TMCO5A: variants seen among roughly 807,000 people sequenced by gnomAD.
TMCO5A encodes transmembrane and coiled-coil domains 5A.
TMCO5A carries 34 observed loss-of-function variants against 42.3 expected under a neutral mutation model. The ratio of observed to expected loss-of-function variants is 0.80; its 90% CI spans 0.61 to 1.07. The LOEUF (loss-of-function observed/expected upper bound fraction) is 1.07, where lower values mean the gene tolerates loss of function less well. Among genes scored for constraint, TMCO5A ranks in the 50% least tolerant of loss-of-function variants. The pLI is 0.00. For synonymous variants in TMCO5A, 131 were observed against 115.6 expected (o/e 1.13, Z -0.86); for missense variants, 357 against 327.9 (o/e 1.09, Z -0.69).
At chr15:37,954,953 A>C (rs1595603154), downstream of TMCO5A, among the ~76,000 whole-genome samples, 1 of 152,032 alleles carries the variant, frequency 6.6e-6, no homozygotes, top group East Asian at 1.9e-4. Context: ...TGAATACACA[A>C]AAAAATGCAA....
intron 5 of TMCO5A, among the ~76,000 whole-genome samples, chr15:37,937,758 T>C (rs1011436801): frequency 1.3e-5 from 2 of 152,152 alleles, no homozygotes; most frequent in Non-Finnish European, 2.9e-5. Context: ...ACAAAAATAA[T>C]TAACTTAATC....
chr15:37,988,902 A>C, the TMCO5A span, among the ~76,000 whole-genome samples: 1 of 151,938 alleles, frequency 6.6e-6, no homozygotes, highest in Non-Finnish European at 1.5e-5. Flanking sequence ...GATATTTTTC[A>C]AAAGTTTGAG....
the TMCO5A span, among the ~76,000 whole-genome samples, chr15:38,010,452 C>CACACACA: frequency 6.8e-6 from 1 of 147,996 alleles, no homozygotes; most frequent in Non-Finnish European, 1.5e-5. Flanking sequence ...CACACACACA[C>CACACACA]ACACAGGAAG....
chr15:38,002,334 G>A, the TMCO5A span, among the ~76,000 whole-genome samples: 1 of 151,464 alleles, frequency 6.6e-6, no homozygotes, highest in African/African-American at 2.4e-5. Context: ...TCTGCTTGGT[G>A]TTCTATCACC....
the TMCO5A span, among the ~76,000 whole-genome samples, chr15:38,027,079 C>T: frequency 5.3e-5 from 8 of 152,134 alleles, no homozygotes; most frequent in Admixed American, 5.2e-4. Context: ...CAGAGTCCCT[C>T]CTGGGGCACT....
At chr15:37,997,043 T>G in the TMCO5A span, among the ~76,000 whole-genome samples, 7 of 152,202 alleles carry the variant, frequency 4.6e-5, no homozygotes, top group African/African-American at 1.7e-4. Context: ...GGCTCATTTA[T>G]CCTTAGAATA....
chr15:37,966,159 C>T (rs1890549942), intron 11 of TMCO5A, among the ~76,000 whole-genome samples: 1 of 152,162 alleles, frequency 6.6e-6, no homozygotes, highest in African/African-American at 2.4e-5. Flanking sequence ...GAAAGACACA[C>T]ATCACATGTT....
intron 1 of TMCO5A, among the ~76,000 whole-genome samples, chr15:37,934,969 C>T (rs1265227503): frequency 1.3e-5 from 2 of 152,132 alleles, no homozygotes; most frequent in African/African-American, 4.8e-5. Flanking sequence ...CTTGTATAAA[C>T]TTCCACAGGG....
chr15:37,941,194 G>A lies in TMCO5A; in HGVS notation c.433G>A (p.Glu145Lys). The change falls in exon 7 of 12, where the codon GAG becomes AAG. Residue 145 changes from glutamate to lysine, a missense_variant. Physicochemically the swap from Glu to Lys is moderately conservative, Grantham distance 56 (BLOSUM62 1). Coordinates refer to ENST00000319669, the MANE Select transcript of TMCO5A (RefSeq NM_152453.4). ...AGCTTCCTATGCATGCCAAGAGAAG[G>A]AGCTGCTCAAGGTAACAGCAGGAAC... ...LEASYACQEK[E>K]LLKVMKEYAF... The A allele has an allele frequency of 6.2e-7, 1 of 1,613,118 alleles. No individual in the cohort carries two copies. The highest frequency in any genetic ancestry group is 8.5e-7 in the Non-Finnish European group (1 of 1,179,532).
At chr15:37,992,629 G>C in the TMCO5A span, among the ~76,000 whole-genome samples, 55 of 152,106 alleles carry the variant, frequency 3.6e-4, no homozygotes, top group Non-Finnish European at 6.8e-4. Context: ...AGATTTTAAA[G>C]ATGTGGTATA....
the TMCO5A span, among the ~76,000 whole-genome samples, chr15:38,028,301 C>T: frequency 6.6e-6 from 1 of 152,174 alleles, no homozygotes; most frequent in African/African-American, 2.4e-5. Flanking sequence ...TGGTGTTTAA[C>T]AGAATTGGTT....
chr15:37,971,535 C>T (rs1246980597), downstream of TMCO5A, among the ~76,000 whole-genome samples: 2 of 152,176 alleles, frequency 1.3e-5, no homozygotes, highest in African/African-American at 4.8e-5. Context: ...TCTGCAGCTG[C>T]CTTGAATTTC....
the TMCO5A span, among the ~76,000 whole-genome samples, chr15:38,012,199 G>T: frequency 6.6e-6 from 1 of 152,064 alleles, no homozygotes; most frequent in African/African-American, 2.4e-5. Context: ...CTTGCATTTG[G>T]CACAAGGAGA....
chr15:38,023,938 C>T, the TMCO5A span, among the ~76,000 whole-genome samples: 2 of 152,210 alleles, frequency 1.3e-5, no homozygotes. Flanking sequence ...ATTCTGTATT[C>T]TACTCCAGAA....
chr15:38,037,476 T>C, the TMCO5A span, among the ~76,000 whole-genome samples: 1 of 151,970 alleles, frequency 6.6e-6, no homozygotes, highest in Non-Finnish European at 1.5e-5. Context: ...GTAAGTAGAG[T>C]GATATTCCCA....
chr15:38,007,951 A>G, the TMCO5A span, among the ~76,000 whole-genome samples: 3 of 119,722 alleles, frequency 2.5e-5, no homozygotes, highest in East Asian at 2.9e-4. Flanking sequence ...GCTGGAGTGC[A>G]GTGGCACGAT....
the TMCO5A span, among the ~76,000 whole-genome samples, chr15:38,025,761 TAATTA>T: frequency 1.3e-5 from 2 of 152,174 alleles, no homozygotes; most frequent in Non-Finnish European, 2.9e-5. Context: ...ATCTCATCTT[TAATTA>T]TATTCCCATA....
rs570608000 is a variant in TMCO5A at position 37,960,213 on chromosome 15, T to C, written c.669-6412T>C. ...CACTCTTCCCCACAAGTCCCCAAAG[T>C]CCATTGTATCATTCTTATGCCTTTG... On this transcript the variant is annotated intron_variant, in intron 11 of 11. Coordinates refer to the TMCO5A transcript ENST00000559502. Among the ~76,000 whole-genome samples, 35 of 151,950 alleles carry C rather than the reference T, an allele frequency of 2.3e-4. No homozygotes were observed. In the South Asian group the frequency reaches 4.8e-3, roughly 21 times the overall value.
the TMCO5A span, among the ~76,000 whole-genome samples, chr15:38,000,497 TATTTAA>T: frequency 2.0e-5 from 3 of 152,092 alleles, no homozygotes; most frequent in African/African-American, 7.2e-5. Flanking sequence ...TGTGTATTTT[TATTTAA>T]ATTTCATTCA....
Sources: gnomAD v4.1 joint callset for allele counts (sites outside exome capture counted in the v4.1 genomes callset) on GRCh38, gnomAD v4.1.1 for gene constraint, MANE v1.5 for transcripts, NCBI Gene and HGNC (gene_info 2026-07-23, HGNC 2026-07-21) for gene names.